Variants in CLEC18A observed in about 807,000 individuals in gnomAD.
The protein encoded by CLEC18A is C-type lectin domain family 18 member A, also known as mannose receptor-like 1.
CLEC18A carries 5 observed loss-of-function variants against 24.0 expected under a neutral mutation model. That is an observed-to-expected ratio of 0.21 (90% CI 0.11 to 0.44). CLEC18A has a LOEUF of 0.44. Among genes scored for constraint, CLEC18A ranks in the 20% least tolerant of loss-of-function variants. The probability of loss-of-function intolerance (pLI) is 0.99; values close to 1 mark genes in which losing one functional copy is unlikely to be tolerated. For synonymous variants in CLEC18A, 29 were observed against 100.1 expected (o/e 0.29, Z 4.24); for missense variants, 83 against 233.4 (o/e 0.36, Z 4.20).
chr16:69,946,041 C>T (rs1363189853), upstream of CLEC18A, among the ~76,000 whole-genome samples: 5 of 135,508 alleles, frequency 3.7e-5, no homozygotes, highest in Admixed American at 3.9e-4. Context: ...TGCAGTGAGC[C>T]CAGATCGCGC....
chr16:69,966,345 T>G (rs2152023403), downstream of CLEC18A, among the ~76,000 whole-genome samples: 1 of 134,038 alleles, frequency 7.5e-6, no homozygotes, highest in African/African-American at 2.5e-5. Context: ...GGCTGAGACC[T>G]ACTGGGCTGT....
intron 3 of CLEC18A, among the ~76,000 whole-genome samples, chr16:69,956,077 C>G (rs1485133266): frequency 2.0e-5 from 3 of 151,916 alleles, no homozygotes; most frequent in Admixed American, 6.6e-5. Context: ...AAAAACCTGC[C>G]TCTACAAAAA....
At chr16:69,965,325 G>A (rs1322459036), downstream of CLEC18A, among the ~76,000 whole-genome samples, 1 of 151,980 alleles carries the variant, frequency 6.6e-6, no homozygotes, top group Non-Finnish European at 1.5e-5. Flanking sequence ...GAGACGGGAG[G>A]GCCCGCTCTC....
downstream of CLEC18A, among the ~76,000 whole-genome samples, chr16:69,965,004 G>T (rs1439489718): frequency 6.6e-6 from 1 of 151,850 alleles, no homozygotes; most frequent in Non-Finnish European, 1.5e-5. Context: ...GTTGCACCAT[G>T]TTGCTCAGGC....
the CLEC18A span, among the ~76,000 whole-genome samples, chr16:69,945,503 A>T: frequency 1.3e-5 from 2 of 152,206 alleles, no homozygotes; most frequent in South Asian, 4.1e-4. Flanking sequence ...AAATTTTGAG[A>T]TCCAGTTTTC....
At chr16:69,946,392 A>ATTTT (rs56112480), upstream of CLEC18A, among the ~76,000 whole-genome samples, 65 of 84,070 alleles carry the variant, frequency 7.7e-4, no homozygotes, top group African/African-American at 2.4e-3. Context: ...ATGTGTATGG[A>ATTTT]TTTTTTTTTT....
chr16:69,965,409 G>C (rs553442857), downstream of CLEC18A, among the ~76,000 whole-genome samples: 28 of 152,138 alleles, frequency 1.8e-4, 1 homozygote, highest in South Asian at 3.7e-3. Context: ...CCCCTTGTCC[G>C]GGGCCACGGC....
At chr16:69,955,502 C>T (rs2059022441) in intron 3 of CLEC18A, among the ~76,000 whole-genome samples, 1 of 151,364 alleles carries the variant, frequency 6.6e-6, no homozygotes, top group Admixed American at 6.6e-5. Flanking sequence ...AGGCACGAGC[C>T]ACCACACCCC....
chr16:69,946,755 T>G (rs1279095914), upstream of CLEC18A, among the ~76,000 whole-genome samples: 1 of 138,800 alleles, frequency 7.2e-6, no homozygotes, highest in Non-Finnish European at 1.5e-5. Context: ...ATTGCCAATG[T>G]GTAGAAATGC....
downstream of CLEC18A, among the ~76,000 whole-genome samples, chr16:69,965,307 C>T (rs938821308): frequency 1.3e-4 from 20 of 152,138 alleles, no homozygotes; most frequent in South Asian, 6.3e-4. Flanking sequence ...GGCCTTCCTG[C>T]CCGGTGGGAG....
At chr16:69,964,302 G>A (rs1211333290), downstream of CLEC18A, 1 of 149,592 alleles carries the variant, frequency 6.7e-6, no homozygotes, top group Non-Finnish European at 1.5e-5. Context: ...CAGGGCCAAT[G>A]GTAGTCAGAG....
intron 3 of CLEC18A, among the ~76,000 whole-genome samples, chr16:69,954,933 C>G (rs1286827004): frequency 1.3e-5 from 2 of 152,112 alleles, no homozygotes; most frequent in East Asian, 1.9e-4. Context: ...CTCCTGGCCT[C>G]AAGTGATCCA....
chr16:69,955,382 G>T (rs1379710286), intron 3 of CLEC18A, among the ~76,000 whole-genome samples: 4 of 149,300 alleles, frequency 2.7e-5, no homozygotes, highest in Non-Finnish European at 5.9e-5. Flanking sequence ...ACAAAGTCTT[G>T]TTCTGTCACC....
chr16:69,966,119 TG>T (rs1959382272), downstream of CLEC18A, among the ~76,000 whole-genome samples: 1 of 116,344 alleles, frequency 8.6e-6, no homozygotes, highest in Admixed American at 9.0e-5. Flanking sequence ...GCGTTTCATC[TG>T]GGGAACTTAC....
intron 3 of CLEC18A, among the ~76,000 whole-genome samples, chr16:69,955,555 T>G (rs1247649117): frequency 2.0e-5 from 3 of 151,052 alleles, no homozygotes; most frequent in African/African-American, 7.3e-5. Context: ...TTCACCATGC[T>G]GGCCAGGCTG....
chr16:69,946,593 G>A (rs1167748435), upstream of CLEC18A, among the ~76,000 whole-genome samples: 1 of 145,284 alleles, frequency 6.9e-6, no homozygotes, highest in Non-Finnish European at 1.5e-5. Context: ...TAGTAGAGAT[G>A]AGGTTTCACC....
chr16:69,965,315 G>C (rs1959343341), downstream of CLEC18A, among the ~76,000 whole-genome samples: 1 of 148,672 alleles, frequency 6.7e-6, no homozygotes, highest in African/African-American at 2.4e-5. Flanking sequence ...TGCCCGGTGG[G>C]AGACGGGAGG....
At chr16:69,948,573 C>T (rs2650527), upstream of CLEC18A, among the ~76,000 whole-genome samples, 529 of 150,894 alleles carry the variant, frequency 3.5e-3, 5 homozygotes, top group African/African-American at 0.011. Flanking sequence ...AAAGAAAATA[C>T]AGCAAAATGT....
chr16:69,954,476 T>G lies in CLEC18A; in HGVS notation c.359T>G (p.Phe120Cys), dbSNP rs2059004190. The change falls in exon 3 of 12, where the codon TTT becomes TGT. Residue 120 changes from phenylalanine to cysteine, a missense_variant. By Grantham distance (205) the Phe-to-Cys change is radical. Around this residue, in one of 3 missense-constraint regions of CLEC18A, gnomAD observed 71 missense variants for 107.4 expected, o/e 0.66. Coordinates refer to ENST00000288040, the MANE Select transcript of CLEC18A (RefSeq NM_001370523.4). ...MQLLPAGLVS[F>C]VEVVSLWFAE... ...CTGCTACCCGCGGGCTTGGTGTCCTTTGTCGAAGTGGTCAGCCTATGGTTT... is the reference window on the plus strand; with the variant it reads ...CTGCTACCCGCGGGCTTGGTGTCCTGTGTCGAAGTGGTCAGCCTATGGTTT... 1.9e-6 allele frequency: 3 copies of G among 1,610,138 alleles called. No homozygotes were observed. Among genetic ancestry groups the G allele is most frequent in the African/African-American group, 1.3e-5 (1 of 74,886 alleles).
Sources: allele counts gnomAD v4.1 joint callset (sites outside exome capture counted in the v4.1 genomes callset), GRCh38; gene constraint gnomAD v4.1.1; regional missense constraint gnomAD v4.1.1; transcripts MANE v1.5; gene names NCBI Gene and HGNC (gene_info 2026-07-23, HGNC 2026-07-21).